The following TAFA4 variants were observed in gnomAD, a reference collection of about 807,000 sequenced individuals.
TAFA4 encodes the protein TAFA chemokine like family member 4.
In TAFA4, 20 loss-of-function variants were observed where a neutral mutation model predicts 21.1. The ratio of observed to expected loss-of-function variants is 0.95; its 90% CI spans 0.67 to 1.38. The LOEUF is 1.38. TAFA4 is among the 40% of genes most tolerant of loss of function. The pLI, the probability that TAFA4 is intolerant of heterozygous loss-of-function variation, is 0.00. For synonymous variants in TAFA4, 71 were observed against 67.4 expected (o/e 1.05, Z -0.26); for missense variants, 211 against 180.9 (o/e 1.17, Z -0.95).
At chr3:68,869,287 A>C (rs2089454952) in intron 3 of TAFA4, among the ~76,000 whole-genome samples, 1 of 151,974 alleles carries the variant, frequency 6.6e-6, no homozygotes, top group Non-Finnish European at 1.5e-5. Context: ...TATTTAAAGA[A>C]CTACTTATAA....
chr3:68,895,198 A>G (rs1478816770), intron 1 of TAFA4, among the ~76,000 whole-genome samples: 1 of 152,030 alleles, frequency 6.6e-6, no homozygotes, highest in Non-Finnish European at 1.5e-5. Context: ...GCGTTTCACC[A>G]TGTTGGCCAA....
At chr3:68,863,839 A>G (rs560339164) in intron 3 of TAFA4, among the ~76,000 whole-genome samples, 2 of 152,302 alleles carry the variant, frequency 1.3e-5, no homozygotes, top group Middle Eastern at 3.4e-3. Context: ...TTTAAAATAA[A>G]TCTATTACTT....
At chr3:68,752,074 A>G (rs376188374) in intron 4 of TAFA4, among the ~76,000 whole-genome samples, 9 of 152,194 alleles carry the variant, frequency 5.9e-5, no homozygotes, top group Non-Finnish European at 1.0e-4. Flanking sequence ...TCACTGTGCA[A>G]TATGATCTGG....
At chr3:68,840,199 T>A (rs572514990) in intron 3 of TAFA4, among the ~76,000 whole-genome samples, 1 of 152,100 alleles carries the variant, frequency 6.6e-6, no homozygotes, top group Non-Finnish European at 1.5e-5. Context: ...GGTTGGTTGG[T>A]TGAATGATTG....
At chr3:68,866,528 C>T (rs980130423) in intron 3 of TAFA4, among the ~76,000 whole-genome samples, 7 of 151,560 alleles carry the variant, frequency 4.6e-5, no homozygotes, top group South Asian at 2.1e-4. Context: ...CATATATTCA[C>T]GAGAAATAAC....
chr3:68,744,068 T>C (rs892511174), intron 4 of TAFA4, among the ~76,000 whole-genome samples: 1 of 152,208 alleles, frequency 6.6e-6, no homozygotes, highest in African/African-American at 2.4e-5. Flanking sequence ...TTACATAGAA[T>C]TAGAGCTGAA....
chr3:68,814,043 T>C (rs950063328), intron 3 of TAFA4, among the ~76,000 whole-genome samples: 3 of 152,142 alleles, frequency 2.0e-5, no homozygotes, highest in Non-Finnish European at 4.4e-5. Context: ...ATCCAGCATA[T>C]AAATAGAACC....
chr3:68,890,813 A>G lies in TAFA4; in HGVS notation c.-122-5503T>C, dbSNP rs561433213. On this transcript the variant is annotated intron_variant, in intron 1 of 5. Transcript: ENST00000295569. ...TCAGGACTTGAAGACATTGGTCATC[A>G]ATCTGACATTAAAAATTCTGTCTGT... Among the ~76,000 whole-genome samples, 3 of 152,368 alleles carry G rather than the reference A, an allele frequency of 2.0e-5. No homozygotes were observed. In the South Asian group the frequency reaches 6.2e-4, roughly 32 times the overall value.
chr3:68,921,037 G>A (rs1051482465), intron 1 of TAFA4, among the ~76,000 whole-genome samples: 6 of 152,116 alleles, frequency 3.9e-5, no homozygotes, highest in African/African-American at 1.2e-4. Flanking sequence ...CAGCCAGGGA[G>A]GAGAACTGTA....
chr3:68,791,529 C>T (rs1007253525), intron 3 of TAFA4, among the ~76,000 whole-genome samples: 1 of 152,166 alleles, frequency 6.6e-6, no homozygotes, highest in Non-Finnish European at 1.5e-5. Flanking sequence ...TTGTCTTAAG[C>T]CACCCAGCTG....
At chr3:68,917,693 G>C (rs1390680519) in intron 1 of TAFA4, among the ~76,000 whole-genome samples, 1 of 147,270 alleles carries the variant, frequency 6.8e-6, no homozygotes, top group Non-Finnish European at 1.5e-5. Flanking sequence ...GGCAGAGGTT[G>C]CAGTGAGCTG....
chr3:68,823,926 AT>A (rs1302631218), intron 3 of TAFA4, among the ~76,000 whole-genome samples: 1 of 152,172 alleles, frequency 6.6e-6, no homozygotes, highest in African/African-American at 2.4e-5. Context: ...TGATCATTTT[AT>A]TTCAATATAA....
intron 3 of TAFA4, among the ~76,000 whole-genome samples, chr3:68,777,248 G>A (rs941675648): frequency 2.0e-4 from 30 of 152,082 alleles, no homozygotes; most frequent in African/African-American, 7.0e-4. Context: ...AAAGCACACT[G>A]CGGGAACATA....
intron 1 of TAFA4, among the ~76,000 whole-genome samples, chr3:68,918,126 C>CACACTT (rs2090022756): frequency 1.4e-5 from 1 of 73,314 alleles, no homozygotes; most frequent in African/African-American, 6.9e-5. Context: ...GGAAGCCAGA[C>CACACTT]ACACATACAC....
chr3:68,925,271 C>T (rs1000378776), intron 1 of TAFA4, among the ~76,000 whole-genome samples: 14 of 152,050 alleles, frequency 9.2e-5, no homozygotes, highest in African/African-American at 1.2e-4. Flanking sequence ...AAGAAAGCTG[C>T]GACTCTGATG....
Position 68,788,710 on chromosome 3 carries a change from CA to C in TAFA4, c.131-35693del, listed in dbSNP as rs1270334617. Among the ~76,000 whole-genome samples the C allele has an allele frequency of 2.0e-5, 3 of 152,306 alleles. No homozygotes were observed. The East Asian group carries it at 5.8e-4, about 29-fold the overall frequency. On this transcript the variant is annotated intron_variant, in intron 3 of 5. Transcript: ENST00000295569. ...CACTGCAGCCTCCAACTCCTGGGCT[CA>C]AGCCATGTTCCTAGTTCAGCTTCCC...
intron 3 of TAFA4, among the ~76,000 whole-genome samples, chr3:68,765,597 A>G (rs1702838460): frequency 6.6e-6 from 1 of 152,162 alleles, no homozygotes; most frequent in South Asian, 2.1e-4. Context: ...CCAGATTTCA[A>G]TTGATTTTTA....
intron 2 of TAFA4, among the ~76,000 whole-genome samples, chr3:68,884,754 A>T (rs1019699487): frequency 6.6e-6 from 1 of 152,240 alleles, no homozygotes; most frequent in Non-Finnish European, 1.5e-5. Flanking sequence ...AATCCTGGGC[A>T]ATGATCCCTA....
intron 3 of TAFA4, among the ~76,000 whole-genome samples, chr3:68,761,472 C>G (rs1702754235): frequency 6.6e-6 from 1 of 152,094 alleles, no homozygotes; most frequent in South Asian, 2.1e-4. Context: ...GACATTAAAG[C>G]TGTTGAAAAG....
Sources: gnomAD v4.1 joint callset for allele counts (sites outside exome capture counted in the v4.1 genomes callset) on GRCh38, gnomAD v4.1.1 for gene constraint, MANE v1.5 for transcripts, NCBI Gene and HGNC (gene_info 2026-07-23, HGNC 2026-07-21) for gene names.